LTBP4: variants seen among roughly 807,000 people sequenced by gnomAD.
LTBP4 encodes the protein latent transforming growth factor beta binding protein 4, also known as latent-transforming growth factor beta-binding protein 4.
In LTBP4, 93 loss-of-function variants were observed where a neutral mutation model predicts 180.2. That is an observed-to-expected ratio of 0.52 (90% CI 0.44 to 0.61). LTBP4 has a LOEUF of 0.61. Ranked by LOEUF, LTBP4 falls within the 20% of genes least tolerant of loss-of-function variation. The pLI, the probability that LTBP4 is intolerant of heterozygous loss-of-function variation, is 0.00. For missense variants in LTBP4, 2,116 were observed against 2,256.5 expected (o/e 0.94, Z 1.26); for synonymous variants, 947 against 934.5 (o/e 1.01, Z -0.24).
intron 24 of LTBP4, 109 bp from the exon 25 acceptor site, chr19:40,623,495 T>C: frequency 7.4e-7 from 1 of 1,355,472 alleles, no homozygotes; most frequent in Non-Finnish European, 1.0e-6. Context: ...TCTTTCCCTG[T>C]CTCTACTTCT....
At position 40,613,222 on chromosome 19, in the gene LTBP4, G is replaced by A. The variant is rs754365218; in HGVS notation, c.2431+26G>A. 4 of 1,553,406 alleles carry A rather than the reference G, an allele frequency of 2.6e-6. No homozygotes were observed. In the Admixed American group the frequency reaches 5.8e-5, roughly 23 times the overall value. ...GTGAGCAGCATAGGGACCCGCCAGAGAGTCTGGGAGTAGGGCCTGGGTTCC... is the reference window on the plus strand; with the variant it reads ...GTGAGCAGCATAGGGACCCGCCAGAAAGTCTGGGAGTAGGGCCTGGGTTCC... On this transcript the variant is annotated intron_variant, in intron 16 of 29. Coordinates refer to ENST00000396819, the MANE Select transcript of LTBP4 (RefSeq NM_001042545.2). This position sits in a 1 kb window ranked among gnomAD's most constrained non-coding sequence, Gnocchi z 5.0.
chr19:40,601,957 T>C (rs2081427122), intron 1 of LTBP4, among the ~76,000 whole-genome samples: 2 of 151,608 alleles, frequency 1.3e-5, no homozygotes, highest in African/African-American at 2.4e-5. Context: ...GGAGGGGGGC[T>C]CGAATTCTGA....
At position 40,611,381 on chromosome 19, in the gene LTBP4, G is replaced by A. The variant is rs950113657; in HGVS notation, c.2040G>A (p.Gly680=). Reference sequence around the variant, plus strand: ...CTGGCTTCCGCTCCCGAGGGCCCGGGGCCCCCTGCCAAGGTGAGGGTGCTG... The same window carrying A: ...CTGGCTTCCGCTCCCGAGGGCCCGGAGCCCCCTGCCAAGGTGAGGGTGCTG... The part of the protein sequence containing the change: ...CPAGFRSRGP[G]APCQDVDECA... The change falls in exon 13 of 30, where the codon GGG becomes GGA. Residue 680 remains glycine (G), a synonymous_variant. Coordinates refer to ENST00000396819, the MANE Select transcript of LTBP4 (RefSeq NM_001042545.2). The surrounding 1 kb of genome is among the most constrained non-coding windows in gnomAD (Gnocchi z 4.4). The A allele has an allele frequency of 6.2e-7, 1 of 1,606,448 alleles. No individual in the cohort carries two copies. The highest frequency in any genetic ancestry group is 8.5e-7 in the Non-Finnish European group (1 of 1,177,826).
intron 22 of LTBP4, among the ~76,000 whole-genome samples, chr19:40,620,902 G>A (rs984397558): frequency 6.6e-6 from 1 of 151,596 alleles, no homozygotes; most frequent in Non-Finnish European, 1.5e-5. Context: ...GGATACAAAT[G>A]ATCCCGTCAC....
chr19:40,598,775 G>A (rs1426112485), upstream of LTBP4, among the ~76,000 whole-genome samples: 2 of 152,170 alleles, frequency 1.3e-5, no homozygotes, highest in Admixed American at 6.5e-5. Context: ...GGCGCCACCT[G>A]TCGGCCAGGC....
chr19:40,611,298 C>T lies in LTBP4; in HGVS notation c.1957C>T (p.Pro653Ser), dbSNP rs757872690. The change falls in exon 13 of 30, where the codon CCC becomes TCC. Residue 653 changes from proline (P) to serine (S), a missense_variant. Transcript: ENST00000396819. This position sits in a 1 kb window ranked among gnomAD's most constrained non-coding sequence, Gnocchi z 4.4. ...GGATGAGTGTGCCCAGGAGCCGCCG[C>T]CCTGTGGGCCCGGCCGCTGTGACAA... ...DVDECAQEPP[P>S]CGPGRCDNTA... The T allele has an allele frequency of 2.5e-6, 4 of 1,611,926 alleles. No individual in the cohort carries two copies. The highest frequency in any genetic ancestry group is 3.4e-6 in the Non-Finnish European group (4 of 1,179,398).
intron 11 of LTBP4, chr19:40,610,073 C>T: frequency 1.5e-6 from 1 of 670,128 alleles, no homozygotes; most frequent in Non-Finnish European, 2.3e-6. Flanking sequence ...ACCCAGCTCC[C>T]AAACTGCCAG....
chr19:40,622,311 CT>C lies in LTBP4; in HGVS notation c.3218-89del. Reference sequence around the variant, plus strand: ...CTGATGGCTGCCACCCTCTGTTTCCCTATCTATGCCAGCCTCAGTTTCCCCA... The same window carrying C: ...CTGATGGCTGCCACCCTCTGTTTCCCATCTATGCCAGCCTCAGTTTCCCCA... On this transcript the variant is annotated intron_variant, in intron 22 of 29. Coordinates refer to ENST00000396819, the MANE Select transcript of LTBP4 (RefSeq NM_001042545.2). The surrounding 1 kb of genome is among the most constrained non-coding windows in gnomAD (Gnocchi z 5.1). 1 of 1,389,416 alleles carries C rather than the reference CT, an allele frequency of 7.2e-7. No homozygotes were observed. The highest frequency in any genetic ancestry group is 9.6e-7 in the Non-Finnish European group (1 of 1,045,650). The allele number at this position is 1,389,416 out of a possible 1,614,324, so 86.1% of individuals were successfully genotyped here.
At chr19:40,614,970 G>A (rs904395601) in intron 19 of LTBP4, among the ~76,000 whole-genome samples, 4 of 152,070 alleles carry the variant, frequency 2.6e-5, no homozygotes, top group African/African-American at 9.7e-5. Flanking sequence ...GCCCTTCCTT[G>A]GTCTCTCTAG....
Position 40,613,605 on chromosome 19 carries a change from C to A in LTBP4, c.2557+76C>A. 1 of 1,536,084 alleles carries A rather than the reference C, an allele frequency of 6.5e-7. No individual in the cohort carries two copies. Among genetic ancestry groups the A allele is most frequent in the Non-Finnish European group, 8.7e-7 (1 of 1,144,644 alleles). On this transcript the variant is annotated intron_variant, in intron 17 of 29. Transcript: ENST00000396819. This position sits in a 1 kb window ranked among gnomAD's most constrained non-coding sequence, Gnocchi z 5.0. Reference sequence around the variant, plus strand: ...AAAAGGCGGGACGGGGAGAAGAGGGCGAAAAGGGGAAAACGAGTTTTTAGC... The same window carrying A: ...AAAAGGCGGGACGGGGAGAAGAGGGAGAAAAGGGGAAAACGAGTTTTTAGC...
rs1396954109 is a variant in LTBP4 at position 40,613,039 on chromosome 19, T to C, written c.2300-26T>C. 2.5e-6 allele frequency: 4 copies of C among 1,609,284 alleles called. No homozygotes were observed. The highest frequency in any genetic ancestry group is 3.4e-5 in the Admixed American group (2 of 59,510). ...TCGGGTGTGTCCCGAGACTGGACCC[T>C]TTCTGAACACCCCCACCCCCCACAG... On this transcript the variant is annotated intron_variant, in intron 15 of 29. Coordinates refer to ENST00000396819, the MANE Select transcript of LTBP4 (RefSeq NM_001042545.2). The surrounding 1 kb of genome is among the most constrained non-coding windows in gnomAD (Gnocchi z 5.0).
chr19:40,629,333 G>T lies in LTBP4; in HGVS notation c.4520-63G>T. On this transcript the variant is annotated intron_variant, in intron 29 of 29. Transcript: ENST00000396819. This position sits in a 1 kb window ranked among gnomAD's most constrained non-coding sequence, Gnocchi z 4.5. ...GCTCCTCTGTTCCAAGAACTTAAGG[G>T]GCCAAGGAGGCGAGCTTCTGGGGCC... 1 of 1,603,926 alleles carries T rather than the reference G, an allele frequency of 6.2e-7. No homozygotes were observed. Among genetic ancestry groups the T allele is most frequent in the Non-Finnish European group, 8.5e-7 (1 of 1,172,910 alleles).
At chr19:40,627,652 G>A in intron 28 of LTBP4, 53 bp from the exon 29 acceptor site, 1 of 1,549,150 alleles carries the variant, frequency 6.5e-7, no homozygotes, top group South Asian at 1.2e-5. Context: ...ACCGTTGTGG[G>A]TAAGGGGTGA....
rs527976103 is a variant in LTBP4 at position 40,605,378 on chromosome 19, C to A, written c.443-27C>A. On this transcript the variant is annotated intron_variant, in intron 2 of 29. Transcript: ENST00000396819. This position sits in a 1 kb window ranked among gnomAD's most constrained non-coding sequence, Gnocchi z 5.5. ...ACCCCGTAAGAACCCGTGTAGACAT[C>A]CGTTTGCCCGGCCGTGCCTCCCCTA... The A allele has an allele frequency of 1.2e-6, 2 of 1,611,244 alleles. No homozygotes were observed. The highest frequency in any genetic ancestry group is 2.7e-5 in the African/African-American group (2 of 75,036).
Position 40,613,234 on chromosome 19 carries a change from AG to A in LTBP4, c.2431+41del. ...GGGACCCGCCAGAGAGTCTGGGAGTAGGGCCTGGGTTCCAGGGCAAAGCCGG... is the reference window on the plus strand; with the variant it reads ...GGGACCCGCCAGAGAGTCTGGGAGTAGGCCTGGGTTCCAGGGCAAAGCCGG... On this transcript the variant is annotated intron_variant, in intron 16 of 29. Coordinates refer to ENST00000396819, the MANE Select transcript of LTBP4 (RefSeq NM_001042545.2). The surrounding 1 kb of genome is among the most constrained non-coding windows in gnomAD (Gnocchi z 5.0). 6.5e-7 allele frequency: 1 copy of A among 1,550,072 alleles called. No individual in the cohort carries two copies. Among genetic ancestry groups the A allele is most frequent in the Non-Finnish European group, 8.7e-7 (1 of 1,145,120 alleles).
chr19:40,611,067 G>T lies in LTBP4; in HGVS notation c.1811-85G>T, dbSNP rs1016464363. ...GAATAGAGATGGGGTCACGGGGACAGAATGTTGGAGGGTGGAAAGCCAAAG... is the reference window on the plus strand; with the variant it reads ...GAATAGAGATGGGGTCACGGGGACATAATGTTGGAGGGTGGAAAGCCAAAG... On this transcript the variant is annotated intron_variant, in intron 12 of 29. Coordinates refer to ENST00000396819, the MANE Select transcript of LTBP4 (RefSeq NM_001042545.2). The surrounding 1 kb of genome is among the most constrained non-coding windows in gnomAD (Gnocchi z 4.4). 5.1e-6 allele frequency: 8 copies of T among 1,566,398 alleles called. No individual in the cohort carries two copies. The highest frequency in any genetic ancestry group is 7.0e-6 in the Non-Finnish European group (8 of 1,143,866).
chr19:40,610,643 G>C lies in LTBP4; in HGVS notation c.1796G>C (p.Gly599Ala), dbSNP rs1349176020. The C allele has an allele frequency of 6.3e-7, 1 of 1,583,320 alleles. No individual in the cohort carries two copies. The highest frequency in any genetic ancestry group is 8.6e-7 in the Non-Finnish European group (1 of 1,168,962). The change falls in exon 12 of 30, where the codon GGA (glycine) becomes GCA (alanine). Residue 599 changes from glycine (G) to alanine (A), a missense_variant. Gly to Ala is a moderately conservative substitution (Grantham distance 60, BLOSUM62 0). Coordinates refer to ENST00000396819, the MANE Select transcript of LTBP4 (RefSeq NM_001042545.2). ...GCCGGGTACCAGGCTGCACCGCACG[G>C]AGCCAGCTGCCAGGGTGAGGGCCTG... ...CPAGYQAAPH[G>A]ASCQDVDECT... is the part of the protein sequence containing the mutation.
chr19:40,599,761 CTCTT>C (rs1484277425), upstream of LTBP4: 3 of 591,400 alleles, frequency 5.1e-6, no homozygotes, highest in African/African-American at 5.6e-5. Flanking sequence ...TTATTTCTGT[CTCTT>C]TCTGTTTCTT....
intron 26 of LTBP4, among the ~76,000 whole-genome samples, chr19:40,625,299 TATATATATA>T (rs2081623399): frequency 4.5e-5 from 1 of 22,384 alleles, no homozygotes; most frequent in Non-Finnish European, 6.8e-5. Context: ...TATATATATA[TATATATATA>T]TATATATATT....
Sources: gnomAD v4.1 joint callset for allele counts (sites outside exome capture counted in the v4.1 genomes callset) on GRCh38, gnomAD v4.1.1 for gene constraint, Gnocchi (gnomAD v3.1) non-coding constraint, MANE v1.5 for transcripts, NCBI Gene and HGNC (gene_info 2026-07-23, HGNC 2026-07-21) for gene names.